The following ADCY2 variants were observed in gnomAD, a reference collection of about 807,000 sequenced individuals.
ADCY2 encodes adenylate cyclase type 2.
Under a neutral mutation model 125.2 loss-of-function variants are expected in ADCY2, and 31 were observed. That is an observed-to-expected ratio of 0.25 (90% CI 0.19 to 0.33). The LOEUF (loss-of-function observed/expected upper bound fraction) is 0.33. Ranked by LOEUF, ADCY2 falls within the 10% of genes least tolerant of loss-of-function variation. The probability of loss-of-function intolerance (pLI) is 1.00; values close to 1 mark genes in which losing one functional copy is unlikely to be tolerated. For missense variants in ADCY2, 904 were observed against 1,418.2 expected (o/e 0.64, Z 5.82); for synonymous variants, 512 against 548.4 (o/e 0.93, Z 0.93).
intron 3 of ADCY2, among the ~76,000 whole-genome samples, chr5:7,600,545 G>A (rs1436073645): frequency 6.6e-6 from 1 of 152,208 alleles, no homozygotes; most frequent in Non-Finnish European, 1.5e-5. Context: ...ACGAAAGTGA[G>A]AGGAAGGCTG....
rs1745554793 is a variant in ADCY2, at chr5:7,828,464, A to G, written c.*1593A>G. ...GGCAATGACTGTGAGCGAGCCTGGC[A>G]GGTGCCCCGTGGTACATTCACAGCA... is the stretch of plus-strand genomic sequence containing the variant. On this transcript the variant is annotated 3_prime_UTR_variant, in exon 25 of 25. Coordinates refer to ENST00000338316, the MANE Select transcript of ADCY2 (RefSeq NM_020546.3). The G allele has an allele frequency of 6.6e-6, 1 of 152,238 alleles. No individual in the cohort carries two copies. The highest frequency in any genetic ancestry group is 2.4e-5 in the African/African-American group (1 of 41,454). The allele number at this position is 152,238 out of a possible 1,614,324, so 9.4% of individuals were successfully genotyped here.
At chr5:7,505,566 G>C (rs1341351145) in intron 2 of ADCY2, among the ~76,000 whole-genome samples, 3 of 152,200 alleles carry the variant, frequency 2.0e-5, no homozygotes, top group Non-Finnish European at 4.4e-5. Context: ...ATTCAAGAAA[G>C]CCCCACTGAG....
chr5:7,529,832 C>G (rs1734586491), intron 3 of ADCY2, among the ~76,000 whole-genome samples: 1 of 152,186 alleles, frequency 6.6e-6, no homozygotes, highest in South Asian at 2.1e-4. Flanking sequence ...GGTATAAACT[C>G]CTTCCATTTT....
At chr5:7,576,511 T>A (rs1187124348) in intron 3 of ADCY2, among the ~76,000 whole-genome samples, 1 of 152,234 alleles carries the variant, frequency 6.6e-6, no homozygotes, top group Non-Finnish European at 1.5e-5. Context: ...TGATACCTTA[T>A]GTAAAAGCTG....
At chr5:7,507,461 A>AAAAAAAAAAAAG (rs374187517) in intron 2 of ADCY2, among the ~76,000 whole-genome samples, 1 of 114,072 alleles carries the variant, frequency 8.8e-6, no homozygotes, top group Non-Finnish European at 1.9e-5. Context: ...AAAAAAAAAA[A>AAAAAAAAAAAAG]GGTAACAAAG....
intron 3 of ADCY2, among the ~76,000 whole-genome samples, chr5:7,597,370 G>A (rs919987576): frequency 6.6e-6 from 1 of 152,240 alleles, no homozygotes; most frequent in Admixed American, 6.5e-5. Context: ...CCTCTCCAGG[G>A]AGCAGAAGGT....
intron 23 of ADCY2, 90 bp from the exon 24 acceptor site, chr5:7,820,475 C>T (rs1745262722): frequency 6.7e-7 from 1 of 1,484,964 alleles, no homozygotes; most frequent in Non-Finnish European, 9.0e-7. Flanking sequence ...GCCTGGGTGA[C>T]AGAATAAGAC....
chr5:7,485,708 C>A (rs1482367107), intron 2 of ADCY2, among the ~76,000 whole-genome samples: 1 of 152,114 alleles, frequency 6.6e-6, no homozygotes, highest in Non-Finnish European at 1.5e-5. Flanking sequence ...AAGCATTCTG[C>A]AGTAGAGAAG....
intron 1 of ADCY2, among the ~76,000 whole-genome samples, chr5:7,413,018 T>G (rs906888221): frequency 6.6e-6 from 1 of 152,366 alleles, no homozygotes; most frequent in South Asian, 2.1e-4. Context: ...CACATAATTG[T>G]GGGAGAGAAA....
intron 2 of ADCY2, among the ~76,000 whole-genome samples, chr5:7,471,213 G>T (rs1234215788): frequency 6.6e-6 from 1 of 151,704 alleles, no homozygotes; most frequent in Non-Finnish European, 1.5e-5. Context: ...TATCCAATCT[G>T]TCTGGCTTTT....
chr5:7,520,971 C>T (rs1744426590), intron 3 of ADCY2, 72 bp downstream of exon 3: 8 of 1,569,476 alleles, frequency 5.1e-6, no homozygotes, highest in South Asian at 2.3e-5. Flanking sequence ...GTGCTGCTGG[C>T]CCATTCAGGG....
chr5:7,825,160 C>T (rs1745429570), intron 24 of ADCY2, among the ~76,000 whole-genome samples: 1 of 149,552 alleles, frequency 6.7e-6, no homozygotes, highest in Non-Finnish European at 1.5e-5. Flanking sequence ...CTGCTGTGTG[C>T]CACGACAACG....
chr5:7,545,117 A>G (rs959467947), intron 3 of ADCY2, among the ~76,000 whole-genome samples: 7 of 152,280 alleles, frequency 4.6e-5, no homozygotes, highest in Admixed American at 3.9e-4. Flanking sequence ...ACTTTTGCCT[A>G]TTCTGGTCAT....
rs1336398311 is a variant in ADCY2 at position 7,459,431 on chromosome 5, T to C, written c.408+44661T>C. On this transcript the variant is annotated intron_variant, in intron 2 of 24. Transcript: ENST00000338316. The stretch of plus-strand genomic sequence containing the variant: ...GGTGAATGTAAGGTTTATTGTCTTC[T>C]CACATTCTGATGGTTAACATCAAAC... Among the ~76,000 whole-genome samples, 3 of 152,196 alleles carry C rather than the reference T, an allele frequency of 2.0e-5. No individual in the cohort carries two copies. In the East Asian group the frequency reaches 5.8e-4, roughly 29 times the overall value.
At chr5:7,470,931 A>G (rs1227538647) in intron 2 of ADCY2, among the ~76,000 whole-genome samples, 1 of 151,756 alleles carries the variant, frequency 6.6e-6, no homozygotes, top group Non-Finnish European at 1.5e-5. Flanking sequence ...TTGCTTTATG[A>G]ATTTTGAAGC....
chr5:7,776,684 A>G lies in ADCY2; in HGVS notation c.2384+3583A>G, dbSNP rs569108649. ...TTTGAGTCGGTGGACTGGGAGAGGA[A>G]GACCCACCCTCAGTGTGATGGGCAC... On this transcript the variant is annotated intron_variant, in intron 18 of 24. Transcript: ENST00000338316. 1.9e-3 allele frequency among the ~76,000 whole-genome samples: 294 copies of G among 152,312 alleles called. 3 individuals carry two copies. The highest frequency in any genetic ancestry group is 6.9e-3 in the African/African-American group (287 of 41,562).
At chr5:7,666,531 G>A (rs946770759) in intron 4 of ADCY2, among the ~76,000 whole-genome samples, 3 of 152,236 alleles carry the variant, frequency 2.0e-5, no homozygotes, top group Admixed American at 1.3e-4. Flanking sequence ...GCCTCCCAAA[G>A]TGCTGGGTTT....
At chr5:7,550,970 C>G (rs931058958) in intron 3 of ADCY2, among the ~76,000 whole-genome samples, 55 of 152,102 alleles carry the variant, frequency 3.6e-4, no homozygotes, top group Non-Finnish European at 5.1e-4. Context: ...ATTTAAGAAG[C>G]ATTTCTTGAC....
intron 3 of ADCY2, among the ~76,000 whole-genome samples, chr5:7,598,245 A>C (rs1245626636): frequency 2.0e-5 from 3 of 152,134 alleles, no homozygotes; most frequent in African/African-American, 7.2e-5. Context: ...AGTGGGAGCA[A>C]GGAGGAGGGC....
Sources: gnomAD v4.1 joint callset for allele counts (sites outside exome capture counted in the v4.1 genomes callset) on GRCh38, gnomAD v4.1.1 for gene constraint, MANE v1.5 for transcripts, NCBI Gene and HGNC (gene_info 2026-07-23, HGNC 2026-07-21) for gene names.